The following SEMA3A variants were observed in gnomAD, a reference collection of about 807,000 sequenced individuals.
SEMA3A encodes the protein semaphorin 3A.
SEMA3A carries 29 observed loss-of-function variants against 97.9 expected under a neutral mutation model. That is an observed-to-expected ratio of 0.30 (90% CI 0.22 to 0.40). The LOEUF is 0.40. Ranked by LOEUF, SEMA3A falls within the 10% of genes least tolerant of loss-of-function variation. The pLI, the probability that SEMA3A is intolerant of heterozygous loss-of-function variation, is 1.00. For synonymous variants in SEMA3A, 321 were observed against 323.7 expected, an observed-to-expected ratio of 0.99 and a Z score of 0.09; for missense variants, 763 against 951.3, an observed-to-expected ratio of 0.80 and a Z score of 2.60.
chr7:84,112,539 T>A (rs2115948881), intron 3 of SEMA3A, among the ~76,000 whole-genome samples: 2 of 152,268 alleles, frequency 1.3e-5, no homozygotes, highest in South Asian at 4.1e-4. Context: ...GAAAAACATA[T>A]TTTACCAGTA....
intron 2 of SEMA3A, among the ~76,000 whole-genome samples, chr7:84,336,787 C>T (rs144595172): frequency 4.1e-4 from 62 of 152,156 alleles, no homozygotes; most frequent in Admixed American, 1.1e-3. Context: ...CATGCATACA[C>T]GTACACTTTA....
intron 15 of SEMA3A, among the ~76,000 whole-genome samples, chr7:83,964,466 T>C (rs1296362476): frequency 3.9e-5 from 6 of 152,200 alleles, no homozygotes; most frequent in African/African-American, 1.4e-4. Context: ...TGAATACCTT[T>C]GACTGTCATA....
intron 1 of SEMA3A, among the ~76,000 whole-genome samples, chr7:84,183,169 C>T (rs920508533): frequency 1.3e-5 from 2 of 152,082 alleles, no homozygotes; most frequent in African/African-American, 4.8e-5. Context: ...TGAGTGGTAG[C>T]TATTCTACCC....
intron 2 of SEMA3A, among the ~76,000 whole-genome samples, chr7:84,312,403 C>T (rs1338468442): frequency 6.6e-6 from 1 of 151,590 alleles, no homozygotes; most frequent in Non-Finnish European, 1.5e-5. Context: ...AAAAGATCAT[C>T]CCTGAAGACT....
Position 84,062,466 on chromosome 7 carries a change from C to A in SEMA3A, c.454-1908G>T, listed in dbSNP as rs189309891. 2.6e-3 allele frequency among the ~76,000 whole-genome samples: 389 copies of A among 152,312 alleles called. 2 individuals are homozygous for A. The highest frequency in any genetic ancestry group is 8.8e-3 in the African/African-American group (365 of 41,572). The stretch of plus-strand genomic sequence containing the variant: ...TCCGGTCTACGGCTCCCAGAGTGAG[C>A]GACGCAGAAGATGGTGATTTCTGCA... On this transcript the variant is annotated intron_variant, in intron 4 of 16. Coordinates refer to ENST00000265362, the MANE Select transcript of SEMA3A (RefSeq NM_006080.3).
At chr7:83,982,091 G>GT (rs1789436577) in intron 13 of SEMA3A, among the ~76,000 whole-genome samples, 1 of 152,140 alleles carries the variant, frequency 6.6e-6, no homozygotes, top group Non-Finnish European at 1.5e-5. Flanking sequence ...GAGGCACTAA[G>GT]TACACTCTGG....
intron 2 of SEMA3A, among the ~76,000 whole-genome samples, chr7:84,318,451 T>C (rs1253743988): frequency 6.7e-6 from 1 of 149,040 alleles, no homozygotes; most frequent in Non-Finnish European, 1.5e-5. Flanking sequence ...GCCTCCCAAG[T>C]AGCTGGGACT....
intron 15 of SEMA3A, among the ~76,000 whole-genome samples, chr7:83,967,073 C>T (rs1788725694): frequency 1.3e-5 from 2 of 152,258 alleles, no homozygotes; most frequent in South Asian, 4.1e-4. Context: ...GATGTTTCTA[C>T]CATCAGCAGC....
At chr7:84,448,211 G>A (rs1019420243) in intron 1 of SEMA3A, among the ~76,000 whole-genome samples, 3 of 152,148 alleles carry the variant, frequency 2.0e-5, no homozygotes, top group Non-Finnish European at 4.4e-5. Context: ...AGGCAAAGAC[G>A]CCACCAGCCA....
chr7:84,429,444 CA>C (rs559094596), intron 1 of SEMA3A, among the ~76,000 whole-genome samples: 3 of 142,666 alleles, frequency 2.1e-5, no homozygotes, highest in Non-Finnish European at 3.0e-5. Context: ...CAAATTAACA[CA>C]AAAAAACTAT....
chr7:84,442,432 G>T (rs1805295308), intron 1 of SEMA3A, among the ~76,000 whole-genome samples: 1 of 151,930 alleles, frequency 6.6e-6, no homozygotes, highest in Non-Finnish European at 1.5e-5. Context: ...GATTAAAGAT[G>T]ATTCCCATTA....
intron 6 of SEMA3A, among the ~76,000 whole-genome samples, chr7:84,031,789 T>C (rs1372678357): frequency 1.3e-5 from 2 of 152,112 alleles, no homozygotes; most frequent in East Asian, 3.9e-4. Flanking sequence ...TGAGCCGAGA[T>C]TGCGCCATTG....
intron 1 of SEMA3A, among the ~76,000 whole-genome samples, chr7:84,470,900 A>C (rs1562958261): frequency 1.3e-5 from 2 of 151,994 alleles, no homozygotes; most frequent in South Asian, 4.1e-4. Flanking sequence ...ATGTAAAGTT[A>C]TTTGGGTCAG....
intron 3 of SEMA3A, among the ~76,000 whole-genome samples, chr7:84,228,582 T>C (rs1436150717): frequency 6.6e-6 from 1 of 152,118 alleles, no homozygotes; most frequent in Non-Finnish European, 1.5e-5. Flanking sequence ...AAAATTTATC[T>C]GTCAATTTAA....
intron 3 of SEMA3A, among the ~76,000 whole-genome samples, chr7:84,219,258 C>G (rs970256534): frequency 6.6e-6 from 1 of 152,086 alleles, no homozygotes; most frequent in African/African-American, 2.4e-5. Flanking sequence ...ATATGTGCAG[C>G]CTGTCAAAGG....
intron 4 of SEMA3A, among the ~76,000 whole-genome samples, chr7:84,097,757 C>T (rs1398709276): frequency 6.6e-6 from 1 of 151,968 alleles, no homozygotes; most frequent in Non-Finnish European, 1.5e-5. Context: ...ATCATTTTTA[C>T]AGAAGTAGAT....
intron 5 of SEMA3A, among the ~76,000 whole-genome samples, chr7:84,059,397 C>T (rs1008357098): frequency 6.6e-6 from 1 of 151,900 alleles, no homozygotes; most frequent in Non-Finnish European, 1.5e-5. Flanking sequence ...AAAGAAAACA[C>T]TAGAAAATAC....
At chr7:84,180,112 G>A (rs1797696031) in intron 1 of SEMA3A, among the ~76,000 whole-genome samples, 1 of 149,768 alleles carries the variant, frequency 6.7e-6, no homozygotes, top group South Asian at 2.1e-4. Flanking sequence ...ATGCCCGGCT[G>A]ATTTTGTATT....
intron 3 of SEMA3A, among the ~76,000 whole-genome samples, chr7:84,273,823 A>C (rs1800216558): frequency 6.6e-6 from 1 of 151,994 alleles, no homozygotes; most frequent in South Asian, 2.1e-4. Context: ...ATAACAAACA[A>C]TCCTACGTTT....
Sources: allele counts gnomAD v4.1 joint callset (sites outside exome capture counted in the v4.1 genomes callset), GRCh38; gene constraint gnomAD v4.1.1; transcripts MANE v1.5; gene names NCBI Gene and HGNC (gene_info 2026-07-23, HGNC 2026-07-21).